Variants in ARHGAP20 observed in about 807,000 individuals in gnomAD.
The protein encoded by ARHGAP20 is rho GTPase-activating protein 20.
A neutral mutation model predicts 73.7 loss-of-function variants in ARHGAP20; 34 were observed. The observed-to-expected ratio is 0.46, with a 90% CI of 0.35 to 0.61. The LOEUF is 0.61. Among genes scored for constraint, ARHGAP20 ranks in the 20% least tolerant of loss-of-function variants. The pLI is 0.00. For missense variants in ARHGAP20, 1,314 were observed against 1,420.9 expected (o/e 0.92, Z 1.21); for synonymous variants, 523 against 518.2 (o/e 1.01, Z -0.13).
In ARHGAP20 at chr11:110,580,361, C is replaced by A; in HGVS notation, c.2585G>T (p.Gly862Val). The change falls in exon 15 of 15, where the codon GGA becomes GTA. Residue 862 changes from glycine (G) to valine (V), a missense_variant. By Grantham distance (109) the Gly-to-Val change is moderately radical (BLOSUM62 -3). Around this residue, in one of 3 missense-constraint regions of ARHGAP20, gnomAD observed 641 missense variants for 636.9 expected, o/e 1.01. Transcript: ENST00000683387. The part of the protein sequence containing the change: ...DQNRKLTYLR[G>V]IYSKKQHKTS... ...TTTATGTTGTTTCTTTGAATAAATT[C>A]CCCTGAGATAGGTCAGCTTGCGGTT... is the stretch of plus-strand genomic sequence containing the variant. 1.2e-6 allele frequency: 2 copies of A among 1,614,216 alleles called. No individual in the cohort carries two copies.
intron 1 of ARHGAP20, among the ~76,000 whole-genome samples, chr11:110,703,506 T>A (rs1011224715): frequency 6.6e-6 from 1 of 152,088 alleles, no homozygotes; most frequent in South Asian, 2.1e-4. Flanking sequence ...TATTCATTCA[T>A]ATATATGGAT....
intron 9 of ARHGAP20, among the ~76,000 whole-genome samples, chr11:110,599,060 C>T (rs998488507): frequency 1.3e-5 from 2 of 152,166 alleles, no homozygotes; most frequent in African/African-American, 2.4e-5. Flanking sequence ...AGGAGCCCTG[C>T]CCTCCCAGGT....
rs920061651 is a variant in ARHGAP20 at position 110,578,277 on chromosome 11, C to T, written c.*1093G>A. The stretch of plus-strand genomic sequence containing the variant: ...ATGGCTGTCTGAGAAGGCCTGGCAG[C>T]CACTTTGTTGGGTATTCTATTGTGG... On this transcript the variant is annotated 3_prime_UTR_variant, in exon 15 of 15. Coordinates refer to ENST00000683387, the MANE Select transcript of ARHGAP20 (RefSeq NM_001384657.1). 2.0e-6 allele frequency: 2 copies of T among 985,442 alleles called. No individual in the cohort carries two copies. Among genetic ancestry groups the T allele is most frequent in the South Asian group, 4.7e-5 (1 of 21,290 alleles). The allele number at this position is 985,442 out of a possible 1,614,324, so 61.0% of individuals were successfully genotyped here. A position where few individuals can be genotyped will look rare whatever the true frequency, so the allele number is the denominator to read the frequency against.
chr11:110,602,563 GCCAA>G (rs899167610), intron 9 of ARHGAP20, among the ~76,000 whole-genome samples: 2 of 152,182 alleles, frequency 1.3e-5, no homozygotes, highest in East Asian at 3.8e-4. Flanking sequence ...TCATTTGTTA[GCCAA>G]CCAAGGAAAG....
At chr11:110,680,584 T>C (rs1158650197) in intron 2 of ARHGAP20, among the ~76,000 whole-genome samples, 1 of 152,146 alleles carries the variant, frequency 6.6e-6, no homozygotes, top group East Asian at 1.9e-4. Flanking sequence ...AAATGAAAGA[T>C]ACAATTGAAT....
At chr11:110,680,837 T>C (rs1459050044) in intron 2 of ARHGAP20, among the ~76,000 whole-genome samples, 1 of 152,138 alleles carries the variant, frequency 6.6e-6, no homozygotes, top group Non-Finnish European at 1.5e-5. Flanking sequence ...TTGAAAAGAA[T>C]AAAGCAATAT....
chr11:110,587,416 A>G (rs1947699464), intron 11 of ARHGAP20, among the ~76,000 whole-genome samples: 1 of 152,228 alleles, frequency 6.6e-6, no homozygotes, highest in Admixed American at 6.5e-5. Flanking sequence ...TAAACCAAAT[A>G]AATAATTTTA....
chr11:110,635,485 T>C lies in ARHGAP20; in HGVS notation c.189-4693A>G, dbSNP rs547726728. Among the ~76,000 whole-genome samples, 9 of 152,266 alleles carry C rather than the reference T, an allele frequency of 5.9e-5. No homozygotes were observed. The South Asian group carries it at 6.2e-4, about 11-fold the overall frequency. On this transcript the variant is annotated intron_variant, in intron 2 of 14. Coordinates refer to ENST00000683387, the MANE Select transcript of ARHGAP20 (RefSeq NM_001384657.1). ...CTAACATTGTAAAATTCTACAATAG[T>C]GTATTCCAAGTAAGTATAAGTAGTT... is the stretch of plus-strand genomic sequence containing the variant.
intron 4 of ARHGAP20, among the ~76,000 whole-genome samples, chr11:110,619,634 A>G (rs35628575): frequency 0.093 from 13,425 of 143,594 alleles, 628 homozygotes; most frequent in African/African-American, 0.13. Context: ...GTGATAGAGT[A>G]TATGCAGTGA....
chr11:110,591,230 A>G (rs140606301), intron 10 of ARHGAP20, among the ~76,000 whole-genome samples: 21 of 152,332 alleles, frequency 1.4e-4, no homozygotes, highest in African/African-American at 4.8e-4. Context: ...CAAGCAATCC[A>G]TGGGATCCAA....
At chr11:110,650,714 A>AT (rs1022500666) in intron 2 of ARHGAP20, among the ~76,000 whole-genome samples, 15 of 152,254 alleles carry the variant, frequency 9.9e-5, no homozygotes, top group Admixed American at 4.6e-4. Context: ...AGCAGCAGGG[A>AT]TTTTTTTCAA....
At chr11:110,630,366 G>C (rs1948833622) in intron 3 of ARHGAP20, among the ~76,000 whole-genome samples, 1 of 152,106 alleles carries the variant, frequency 6.6e-6, no homozygotes, top group Non-Finnish European at 1.5e-5. Flanking sequence ...AGCTCCCAAA[G>C]AGCAGGGACC....
At chr11:110,626,909 A>C (rs1372891872) in intron 3 of ARHGAP20, among the ~76,000 whole-genome samples, 1 of 152,186 alleles carries the variant, frequency 6.6e-6, no homozygotes, top group East Asian at 1.9e-4. Context: ...TTGGGGTCAT[A>C]GAATGCTTCT....
chr11:110,637,818 C>G (rs529193753), intron 2 of ARHGAP20, among the ~76,000 whole-genome samples: 1 of 151,994 alleles, frequency 6.6e-6, no homozygotes, highest in Non-Finnish European at 1.5e-5. Context: ...CTTGGAGGAA[C>G]CAAAGTCTAA....
chr11:110,583,444 G>A, intron 13 of ARHGAP20, 104 bp downstream of exon 13: 1 of 1,033,570 alleles, frequency 9.7e-7, no homozygotes, highest in Non-Finnish European at 1.4e-6. Context: ...TAAGGATACG[G>A]TATATTTAAG....
intron 6 of ARHGAP20, among the ~76,000 whole-genome samples, chr11:110,612,457 CAA>C (rs1259813771): frequency 3.2e-4 from 48 of 150,912 alleles, no homozygotes; most frequent in Admixed American, 3.0e-3. Context: ...AACAAACAAA[CAA>C]AAAGAGTTAA....
chr11:110,696,094 T>C (rs942597620), intron 1 of ARHGAP20, among the ~76,000 whole-genome samples: 7 of 151,606 alleles, frequency 4.6e-5, no homozygotes, highest in Non-Finnish European at 1.0e-4. Flanking sequence ...TGATTTCATT[T>C]ATATAAAGTG....
At chr11:110,611,538 G>T (rs1948367099) in intron 6 of ARHGAP20, 152 bp from the exon 7 acceptor site, 1 of 450,104 alleles carries the variant, frequency 2.2e-6, no homozygotes, top group South Asian at 5.1e-5. Context: ...ACAAACCTTT[G>T]ATTATAATTT....
At chr11:110,676,305 A>C (rs1438333181) in intron 2 of ARHGAP20, among the ~76,000 whole-genome samples, 1 of 152,200 alleles carries the variant, frequency 6.6e-6, no homozygotes, top group African/African-American at 2.4e-5. Context: ...CATGTTGCTA[A>C]TAAAGACATA....
Sources: gnomAD v4.1 joint callset for allele counts (sites outside exome capture counted in the v4.1 genomes callset) on GRCh38, gnomAD v4.1.1 for gene constraint, gnomAD v4.1.1 regional missense constraint, MANE v1.5 for transcripts, NCBI Gene and HGNC (gene_info 2026-07-23, HGNC 2026-07-21) for gene names.